The following NUBPL variants were observed in gnomAD, a reference collection of about 807,000 sequenced individuals.
NUBPL encodes iron-sulfur cluster transfer protein NUBPL.
NUBPL carries 31 observed loss-of-function variants against 45.7 expected under a neutral mutation model. That is an observed-to-expected ratio of 0.68 (90% CI 0.51 to 0.92). The LOEUF (loss-of-function observed/expected upper bound fraction) is 0.92. Ranked by LOEUF, NUBPL falls within the 40% of genes least tolerant of loss-of-function variation. NUBPL has a pLI of 0.00. For synonymous variants in NUBPL, 144 were observed against 140.9 expected, an observed-to-expected ratio of 1.02 and a Z score of -0.15; for missense variants, 401 against 398.7, an observed-to-expected ratio of 1.01 and a Z score of -0.05.
intron 10 of NUBPL, among the ~76,000 whole-genome samples, chr14:31,850,427 C>T (rs2040520804): frequency 1.3e-5 from 2 of 152,124 alleles, no homozygotes; most frequent in African/African-American, 4.8e-5. Context: ...AATCATCACC[C>T]AACCAGTTTT....
At chr14:31,600,402 C>G (rs2034399262) in intron 4 of NUBPL, among the ~76,000 whole-genome samples, 1 of 152,132 alleles carries the variant, frequency 6.6e-6, no homozygotes, top group African/African-American at 2.4e-5. Flanking sequence ...CTCATTCAGA[C>G]TGGGACCATA....
At chr14:31,724,341 T>G (rs967499695) in intron 6 of NUBPL, among the ~76,000 whole-genome samples, 3 of 152,178 alleles carry the variant, frequency 2.0e-5, no homozygotes, top group Non-Finnish European at 2.9e-5. Context: ...AAAATCACTT[T>G]AAAGGAAAAA....
intron 6 of NUBPL, among the ~76,000 whole-genome samples, chr14:31,696,497 T>C (rs978958335): frequency 6.6e-6 from 1 of 152,198 alleles, no homozygotes; most frequent in Non-Finnish European, 1.5e-5. Flanking sequence ...CTTTTCAATA[T>C]GGTATTAACT....
At chr14:31,727,164 T>C (rs552534737) in intron 6 of NUBPL, among the ~76,000 whole-genome samples, 35 of 152,368 alleles carry the variant, frequency 2.3e-4, no homozygotes, top group Non-Finnish European at 4.4e-4. Context: ...TTATTTATTT[T>C]AAGATGAACT....
intron 6 of NUBPL, among the ~76,000 whole-genome samples, chr14:31,786,809 G>A (rs1040482126): frequency 6.6e-6 from 1 of 152,192 alleles, no homozygotes; most frequent in Non-Finnish European, 1.5e-5. Flanking sequence ...CAGGCAGAGT[G>A]TTCTGGAGCT....
At chr14:31,707,083 G>A (rs930885382) in intron 6 of NUBPL, among the ~76,000 whole-genome samples, 5 of 151,930 alleles carry the variant, frequency 3.3e-5, no homozygotes, top group African/African-American at 7.2e-5. Context: ...TTCCTTAATC[G>A]CCTGGGAGGA....
chr14:31,841,132 C>G (rs1415048030), intron 8 of NUBPL, among the ~76,000 whole-genome samples: 1 of 152,068 alleles, frequency 6.6e-6, no homozygotes, highest in East Asian at 1.9e-4. Context: ...ACTATTATGA[C>G]TAGTGCTGTT....
At chr14:31,730,589 G>T (rs765590904) in intron 6 of NUBPL, among the ~76,000 whole-genome samples, 1 of 151,298 alleles carries the variant, frequency 6.6e-6, no homozygotes, top group Admixed American at 6.6e-5. Context: ...TCAGTCTCCC[G>T]AGTAGCTGGG....
At chr14:31,780,654 T>G (rs970490) in intron 6 of NUBPL, among the ~76,000 whole-genome samples, 151,960 of 152,276 alleles carry the variant, frequency 1, 75,824 homozygotes, top group Middle Eastern at 1. Flanking sequence ...GTTTTGTTTT[T>G]CTCAGTCTTA....
intron 6 of NUBPL, among the ~76,000 whole-genome samples, chr14:31,726,523 T>G (rs1384023096): frequency 1.3e-5 from 2 of 152,228 alleles, no homozygotes; most frequent in African/African-American, 4.8e-5. Flanking sequence ...CATTCAGGGT[T>G]TTTTGTTTAG....
At chr14:31,759,498 T>A (rs1453461135) in intron 6 of NUBPL, among the ~76,000 whole-genome samples, 3 of 152,124 alleles carry the variant, frequency 2.0e-5, no homozygotes, top group African/African-American at 7.2e-5. Context: ...ATGTAGACAT[T>A]GTGGAATAGC....
intron 9 of NUBPL, among the ~76,000 whole-genome samples, chr14:31,849,001 G>A (rs2040497364): frequency 6.6e-6 from 1 of 152,124 alleles, no homozygotes; most frequent in African/African-American, 2.4e-5. Context: ...AGTTGATCTA[G>A]AGAATAGGAA....
At chr14:31,820,270 C>T (rs890979500) in intron 7 of NUBPL, among the ~76,000 whole-genome samples, 53 of 152,168 alleles carry the variant, frequency 3.5e-4, no homozygotes, top group African/African-American at 1.3e-3. Context: ...CTGCTGTTGA[C>T]ACTTCCTTAC....
intron 7 of NUBPL, among the ~76,000 whole-genome samples, chr14:31,804,991 AACAG>A (rs1238932044): frequency 2.0e-5 from 3 of 152,366 alleles, no homozygotes; most frequent in African/African-American, 4.8e-5. Flanking sequence ...CAACAGAGTA[AACAG>A]ACAGCCTACA....
chr14:31,793,148 A>G (rs1261396533), intron 7 of NUBPL, among the ~76,000 whole-genome samples: 1 of 152,090 alleles, frequency 6.6e-6, no homozygotes, highest in African/African-American at 2.4e-5. Flanking sequence ...TCTCATTTGA[A>G]TATCCTTGTA....
chr14:31,770,561 T>C (rs2038991318), intron 6 of NUBPL, among the ~76,000 whole-genome samples: 1 of 152,214 alleles, frequency 6.6e-6, no homozygotes, highest in Non-Finnish European at 1.5e-5. Flanking sequence ...GTTACGAAAC[T>C]TGTGACTTCT....
intron 4 of NUBPL, among the ~76,000 whole-genome samples, chr14:31,666,263 A>ATTTATTTATTTATTATTT: frequency 8.9e-6 from 1 of 111,888 alleles, no homozygotes; most frequent in African/African-American, 3.1e-5. Flanking sequence ...ATATATATAT[A>ATTTATTTATTTATTATTT]ATTTTATTTT....
intron 6 of NUBPL, among the ~76,000 whole-genome samples, chr14:31,707,645 C>T (rs1451581699): frequency 1.3e-5 from 2 of 152,064 alleles, no homozygotes; most frequent in Non-Finnish European, 2.9e-5. Flanking sequence ...CCAGTATAGG[C>T]TGTATATGTT....
chr14:31,569,703 T>C (rs1468898590), intron 3 of NUBPL, among the ~76,000 whole-genome samples: 2 of 152,198 alleles, frequency 1.3e-5, no homozygotes, highest in Non-Finnish European at 2.9e-5. Flanking sequence ...TGTTAAATTT[T>C]CGGTGAATTT....
Sources: allele counts gnomAD v4.1 joint callset (sites outside exome capture counted in the v4.1 genomes callset), GRCh38; gene constraint gnomAD v4.1.1; transcripts MANE v1.5; gene names NCBI Gene and HGNC (gene_info 2026-07-23, HGNC 2026-07-21).